The following PADI4 variants were observed in gnomAD, a reference collection of about 807,000 sequenced individuals.
The protein encoded by PADI4 is peptidyl arginine deiminase 4.
PADI4 carries 62 observed loss-of-function variants against 75.0 expected under a neutral mutation model. The observed-to-expected ratio is 0.83, with a 90% CI of 0.67 to 1.02. The LOEUF (loss-of-function observed/expected upper bound fraction) is 1.02. Among genes scored for constraint, PADI4 ranks in the 50% least tolerant of loss-of-function variants. The probability of loss-of-function intolerance (pLI) is 0.00; values close to 1 mark genes in which losing one functional copy is unlikely to be tolerated. For synonymous variants in PADI4, 361 were observed against 348.1 expected, an observed-to-expected ratio of 1.04 and a Z score of -0.41; for missense variants, 845 against 850.5, an observed-to-expected ratio of 0.99 and a Z score of 0.08.
chr1:17,317,951 G>A lies in PADI4; in HGVS notation c.92+9637G>A, dbSNP rs142561426. Among the ~76,000 whole-genome samples the A allele has an allele frequency of 5.8e-3, 890 of 152,320 alleles. 5 individuals are homozygous for A. Among genetic ancestry groups the A allele is most frequent in the African/African-American group, 0.021 (854 of 41,576 alleles). On this transcript the variant is annotated intron_variant, in intron 1 of 15. Transcript: ENST00000375448. ...AGGCCGGAGGATTGCTTGAGCCCAG[G>A]AGTTCAAGTCTGCCGTGAGCCATGA...
intron 15 of PADI4, among the ~76,000 whole-genome samples, chr1:17,362,860 T>C (rs1299819070): frequency 2.0e-5 from 3 of 152,206 alleles, no homozygotes; most frequent in Admixed American, 6.5e-5. Flanking sequence ...AGAGTCTCGC[T>C]CTGTCACCCA....
Position 17,363,611 on chromosome 1 carries a change from G to A in PADI4, c.1848G>A (p.Val616=), listed in dbSNP as rs537085079. The A allele has an allele frequency of 6.8e-6, 11 of 1,614,234 alleles. No homozygotes were observed. The highest frequency in any genetic ancestry group is 5.0e-5 in the Admixed American group (3 of 60,034). ...INGRCCLEEK[V]CSLLEPLGLQ... The stretch of plus-strand genomic sequence containing the variant: ...GCCGCTGCTGCCTGGAGGAGAAGGT[G>A]TGTTCCCTGCTGGAGCCACTGGGCC... Residue 616 remains valine, a synonymous_variant, in exon 16 of 16, where the codon GTG becomes GTA. Coordinates refer to ENST00000375448, the MANE Select transcript of PADI4 (RefSeq NM_012387.3).
chr1:17,352,210 A>AGGAGAGACTGTGGTCAG (rs1557577587), intron 10 of PADI4, among the ~76,000 whole-genome samples: 2 of 113,598 alleles, frequency 1.8e-5, no homozygotes, highest in Admixed American at 8.5e-5. Context: ...GGGAGGTGGT[A>AGGAGAGACTGTGGTCAG]AGAGGGGTGG....
chr1:17,333,749 C>T lies in PADI4; in HGVS notation c.274-194C>T, dbSNP rs546062226. ...TGCTGGGCCCCCATAGGATGCTCTT[C>T]TGTAGCACCAGTCATTCAAGCTTTT... On this transcript the variant is annotated intron_variant, in intron 2 of 15. Transcript: ENST00000375448. 9.2e-5 allele frequency among the ~76,000 whole-genome samples: 14 copies of T among 152,202 alleles called. No homozygotes were observed. In the South Asian group the frequency reaches 2.9e-3, roughly 32 times the overall value.
chr1:17,327,329 T>G (rs2074132149), intron 1 of PADI4, among the ~76,000 whole-genome samples: 1 of 152,212 alleles, frequency 6.6e-6, no homozygotes, highest in Non-Finnish European at 1.5e-5. Flanking sequence ...TGTCTAATAA[T>G]TCATTCTTTT....
chr1:17,338,115 T>C lies in PADI4; in HGVS notation c.486T>C (p.Ser162=), dbSNP rs2074349813. 6.2e-7 allele frequency: 1 copy of C among 1,613,188 alleles called. No individual in the cohort carries two copies. ...GTGACAGAGACAATCTCGAATCTTC[T>C]GCCATGGACTGCGAGGATGATGAAG... The part of the protein sequence containing the change: ...VNCDRDNLES[S]AMDCEDDEVL... Residue 162 remains serine (S), a synonymous_variant, in exon 5 of 16, where the codon TCT becomes TCC. Transcript: ENST00000375448.
In PADI4 at chr1:17,356,529, G is replaced by T; in HGVS notation, c.1558+70G>T. The stretch of plus-strand genomic sequence containing the variant: ...TTCCCATAGTCCGCTGTTGCCTGGA[G>T]GGAATCATCCAGGCAATAGGGTAGC... On this transcript the variant is annotated intron_variant, in intron 13 of 15. Transcript: ENST00000375448. This position sits in a 1 kb window ranked among gnomAD's most constrained non-coding sequence, Gnocchi z 4.1. 1 of 927,552 alleles carries T rather than the reference G, an allele frequency of 1.1e-6. No homozygotes were observed. Among genetic ancestry groups the T allele is most frequent in the African/African-American group, 1.6e-5 (1 of 61,222 alleles). 57.5% of individuals were successfully genotyped at this position (927,552 alleles called of 1,614,324 possible). A position where few individuals can be genotyped will look rare whatever the true frequency, so the allele number is the denominator to read the frequency against.
chr1:17,353,678 TG>T (rs2074708365), intron 10 of PADI4, among the ~76,000 whole-genome samples: 2 of 152,310 alleles, frequency 1.3e-5, no homozygotes, highest in South Asian at 4.1e-4. Flanking sequence ...GGGACTTTGC[TG>T]AATGTAATTA....
chr1:17,325,714 A>ATT (rs11378800), intron 1 of PADI4, among the ~76,000 whole-genome samples: 70 of 147,484 alleles, frequency 4.7e-4, no homozygotes, highest in Admixed American at 5.4e-4. Context: ...CACGTTCCTG[A>ATT]TTTTTTTTTT....
intron 10 of PADI4, among the ~76,000 whole-genome samples, chr1:17,348,949 G>A (rs1160882311): frequency 6.6e-6 from 1 of 152,184 alleles, no homozygotes; most frequent in Non-Finnish European, 1.5e-5. Context: ...TTTCCGACAA[G>A]CATCTGTACT....
chr1:17,311,039 G>A (rs1346015320), intron 1 of PADI4, among the ~76,000 whole-genome samples: 1 of 151,652 alleles, frequency 6.6e-6, no homozygotes, highest in Non-Finnish European at 1.5e-5. Flanking sequence ...GGACGCTGCA[G>A]TGAACCGAGA....
rs1399402525 is a variant in PADI4 at position 17,351,998 on chromosome 1, G to A, written c.1156-2535G>A. Among the ~76,000 whole-genome samples, 83 of 19,806 alleles carry A rather than the reference G, an allele frequency of 4.2e-3. 7 individuals carry two copies. The highest frequency in any genetic ancestry group is 0.033 in the African/African-American group (77 of 2,310). The allele number at this position is 19,806 out of a possible 152,430, so 13.0% of individuals were successfully genotyped here. A position where few individuals can be genotyped will look rare whatever the true frequency, so the allele number is the denominator to read the frequency against. On this transcript the variant is annotated intron_variant, in intron 10 of 15. Transcript: ENST00000375448. ...AGGTGATGGGAGGAGAGGCAGTCAG[G>A]GAGGTGATGGGAGGAGAGGCGGCCA...
At chr1:17,321,122 T>C (rs566303580) in intron 1 of PADI4, among the ~76,000 whole-genome samples, 16 of 151,542 alleles carry the variant, frequency 1.1e-4, no homozygotes, top group African/African-American at 3.9e-4. Context: ...TTGGTTGGAG[T>C]GATAAAGGGA....
chr1:17,336,067 C>A, intron 3 of PADI4, 92 bp from the exon 4 acceptor site: 1 of 819,768 alleles, frequency 1.2e-6, no homozygotes, highest in Non-Finnish European at 2.1e-6. Flanking sequence ...GCACACAGTC[C>A]CCTGGGGAAA....
At chr1:17,354,428 C>A in intron 10 of PADI4, 105 bp from the exon 11 acceptor site, 2 of 941,782 alleles carry the variant, frequency 2.1e-6, no homozygotes, top group Non-Finnish European at 3.5e-6. Context: ...GTAGACGGTA[C>A]TGAGTTACTT....
chr1:17,356,034 G>A lies in PADI4; in HGVS notation c.1362G>A (p.Gln454=), dbSNP rs1204059722. ...HQALQDFLSA[Q]QVQAPVKLYS... ...CCCTGCAGGACTTCCTCAGTGCCCA[G>A]CAGGTGCAGGCCCCTGTGAAGCTCT... Residue 454 remains glutamine (Q), a synonymous_variant, in exon 12 of 16, where the codon CAG becomes CAA. Coordinates refer to ENST00000375448, the MANE Select transcript of PADI4 (RefSeq NM_012387.3). The surrounding 1 kb of genome is among the most constrained non-coding windows in gnomAD (Gnocchi z 4.1). The A allele has an allele frequency of 6.2e-7, 1 of 1,613,892 alleles. No homozygotes were observed. Among genetic ancestry groups the A allele is most frequent in the African/African-American group, 1.3e-5 (1 of 74,920 alleles).
intron 1 of PADI4, among the ~76,000 whole-genome samples, chr1:17,308,672 C>G (rs2100635643): frequency 6.6e-6 from 1 of 152,262 alleles, no homozygotes; most frequent in South Asian, 2.1e-4. Flanking sequence ...AAGGTTAGCC[C>G]CTGGGCCTCC....
intron 15 of PADI4, 103 bp downstream of exon 15, chr1:17,359,511 TC>T: frequency 6.7e-7 from 1 of 1,491,540 alleles, no homozygotes; most frequent in African/African-American, 1.4e-5. Flanking sequence ...TTGGCTCCTC[TC>T]TGTAACCGTT....
Position 17,359,392 on chromosome 1 carries a change from C to G in PADI4, c.1742C>G (p.Ala581Gly). The part of the protein sequence containing the change: ...FKLKEFSKAE[A>G]FFPNMVNMLV... Reference sequence around the variant, plus strand: ...CTCAAAGAGTTCTCTAAGGCGGAAGCTTTTTTCCCCAACATGGTGAGGAGG... The same window carrying G: ...CTCAAAGAGTTCTCTAAGGCGGAAGGTTTTTTCCCCAACATGGTGAGGAGG... Residue 581 changes from alanine to glycine, a missense_variant, in exon 15 of 16, where the codon GCT (alanine) becomes GGT (glycine). By Grantham distance (60) the Ala-to-Gly change is moderately conservative. Transcript: ENST00000375448. 1 of 1,614,090 alleles carries G rather than the reference C, an allele frequency of 6.2e-7. No individual in the cohort carries two copies. The highest frequency in any genetic ancestry group is 8.5e-7 in the Non-Finnish European group (1 of 1,179,976).
Sources: allele counts gnomAD v4.1 joint callset (sites outside exome capture counted in the v4.1 genomes callset), GRCh38; gene constraint gnomAD v4.1.1; non-coding constraint Gnocchi (gnomAD v3.1); transcripts MANE v1.5; gene names NCBI Gene and HGNC (gene_info 2026-07-23, HGNC 2026-07-21).